The following TBC1D22B variants were observed in gnomAD, a reference collection of about 807,000 sequenced individuals.
TBC1D22B encodes TBC1 domain family member 22B.
In TBC1D22B, 32 loss-of-function variants were observed where a neutral mutation model predicts 69.1. The ratio of observed to expected loss-of-function variants is 0.46; its 90% CI spans 0.35 to 0.62. The LOEUF is 0.62. TBC1D22B is among the 20% of genes least tolerant of loss of function. TBC1D22B has a pLI of 0.00. For synonymous variants in TBC1D22B, 206 were observed against 229.8 expected (o/e 0.90, Z 0.94); for missense variants, 462 against 630.9 (o/e 0.73, Z 2.87).
chr6:37,314,352 C>T (rs1367893920), intron 10 of TBC1D22B, among the ~76,000 whole-genome samples: 4 of 152,238 alleles, frequency 2.6e-5, no homozygotes, highest in Non-Finnish European at 5.9e-5. Flanking sequence ...GTCGTCCGGC[C>T]TTGTCCTTCA....
intron 8 of TBC1D22B, among the ~76,000 whole-genome samples, chr6:37,304,880 G>T (rs929510677): frequency 6.6e-5 from 10 of 152,202 alleles, no homozygotes; most frequent in African/African-American, 2.2e-4. Context: ...TAAGTGCTAT[G>T]GATAGAAACA....
At chr6:37,258,401 G>C (rs1765917108) in intron 1 of TBC1D22B, among the ~76,000 whole-genome samples, 1 of 152,126 alleles carries the variant, frequency 6.6e-6, no homozygotes, top group African/African-American at 2.4e-5. Context: ...CCCTGAGGTC[G>C]GCACTTACCC....
chr6:37,295,632 T>G, intron 8 of TBC1D22B: 1 of 434,658 alleles, frequency 2.3e-6, no homozygotes, highest in Non-Finnish European at 4.6e-6. Flanking sequence ...CTATTATCAA[T>G]GGCACTGTCA....
intron 9 of TBC1D22B, 95 bp from the exon 10 acceptor site, chr6:37,313,721 G>A (rs1767995506): frequency 2.5e-6 from 3 of 1,206,830 alleles, no homozygotes; most frequent in Non-Finnish European, 3.7e-6. Context: ...ACTAGCTTTG[G>A]AAAATGGCCT....
intron 1 of TBC1D22B, among the ~76,000 whole-genome samples, chr6:37,261,577 G>T (rs556339891): frequency 6.6e-6 from 1 of 152,206 alleles, no homozygotes; most frequent in South Asian, 2.1e-4. Context: ...TAGGGACAGA[G>T]TATCTGCTCC....
At chr6:37,270,233 C>T (rs1025135396) in intron 2 of TBC1D22B, among the ~76,000 whole-genome samples, 1 of 152,132 alleles carries the variant, frequency 6.6e-6, no homozygotes, top group Admixed American at 6.5e-5. Context: ...AGGTGGATTA[C>T]TTGAGGTCAG....
chr6:37,267,352 C>CACACATATATAATATATATAT (rs1766317999), intron 1 of TBC1D22B, among the ~76,000 whole-genome samples: 2 of 117,232 alleles, frequency 1.7e-5, no homozygotes, highest in African/African-American at 8.5e-5. Context: ...TATATATATA[C>CACACATATATAATATATATAT]ACACATATAT....
chr6:37,275,337 A>ATT (rs1027813405), intron 2 of TBC1D22B, among the ~76,000 whole-genome samples: 4 of 148,458 alleles, frequency 2.7e-5, no homozygotes, highest in African/African-American at 9.9e-5. Flanking sequence ...ACAAGTTGAG[A>ATT]TTTTTTTTTT....
intron 10 of TBC1D22B, among the ~76,000 whole-genome samples, chr6:37,314,925 C>G (rs867835755): frequency 1.3e-5 from 2 of 152,224 alleles, no homozygotes; most frequent in African/African-American, 2.4e-5. Context: ...AGTTACTTCC[C>G]GTATGTCACA....
chr6:37,323,395 T>C (rs1768305522), intron 12 of TBC1D22B, among the ~76,000 whole-genome samples: 1 of 152,080 alleles, frequency 6.6e-6, no homozygotes, highest in Non-Finnish European at 1.5e-5. Context: ...CCAGGCATGG[T>C]GGCACACACC....
chr6:37,330,406 T>C (rs1038957159), intron 12 of TBC1D22B, among the ~76,000 whole-genome samples: 4 of 152,028 alleles, frequency 2.6e-5, no homozygotes, highest in Non-Finnish European at 5.9e-5. Flanking sequence ...GCCTGGCTAA[T>C]TGTTTGTATT....
rs559440028 is a variant in TBC1D22B, at chr6:37,280,050, G to T, written c.421+439G>T. Among the ~76,000 whole-genome samples the T allele has an allele frequency of 5.3e-5, 8 of 152,348 alleles. No individual in the cohort carries two copies. In the East Asian group the frequency reaches 1.5e-3, roughly 29 times the overall value. On this transcript the variant is annotated intron_variant, in intron 3 of 12. Coordinates refer to ENST00000373491, the MANE Select transcript of TBC1D22B (RefSeq NM_017772.4). Reference sequence around the variant, plus strand: ...CCCTAGGGAACAGCCACTAGCATAAGGTTGTCTTTTCCTGTTCCTGAGGGA... The same window carrying T: ...CCCTAGGGAACAGCCACTAGCATAATGTTGTCTTTTCCTGTTCCTGAGGGA...
chr6:37,316,907 G>C (rs748909156), intron 11 of TBC1D22B, 77 bp downstream of exon 11: 4 of 1,602,848 alleles, frequency 2.5e-6, no homozygotes, highest in Non-Finnish European at 3.4e-6. Context: ...GTGGAATGTA[G>C]CTGCTTAGAA....
At chr6:37,268,313 G>A (rs1365145860) in intron 1 of TBC1D22B, among the ~76,000 whole-genome samples, 1 of 151,902 alleles carries the variant, frequency 6.6e-6, no homozygotes, top group African/African-American at 2.4e-5. Flanking sequence ...CTGCAGCCTG[G>A]ACCCTCCTGG....
intron 2 of TBC1D22B, 32 bp downstream of exon 2, chr6:37,269,682 A>G: frequency 6.2e-7 from 1 of 1,601,780 alleles, no homozygotes; most frequent in Non-Finnish European, 8.6e-7. Flanking sequence ...TTATCTATCT[A>G]CTGCTGTCAC....
At chr6:37,298,507 T>G (rs888656809) in intron 8 of TBC1D22B, among the ~76,000 whole-genome samples, 2 of 151,936 alleles carry the variant, frequency 1.3e-5, no homozygotes, top group Non-Finnish European at 2.9e-5. Flanking sequence ...GTTTAACTTT[T>G]CTTCTCTAGA....
At chr6:37,295,271 A>AT in intron 8 of TBC1D22B, among the ~76,000 whole-genome samples, 1 of 151,422 alleles carries the variant, frequency 6.6e-6, no homozygotes, top group African/African-American at 2.4e-5. Context: ...TACCCAGCCA[A>AT]TTTTTTTATT....
In TBC1D22B at chr6:37,299,032, C is replaced by T. The variant is rs79922696; in HGVS notation, c.982+7675C>T. 6.8e-3 allele frequency among the ~76,000 whole-genome samples: 1,043 copies of T among 152,344 alleles called. 12 individuals are homozygous for T. The highest frequency in any genetic ancestry group is 0.022 in the African/African-American group (930 of 41,566). On this transcript the variant is annotated intron_variant, in intron 8 of 12. Transcript: ENST00000373491. ...CCAAAAATGTTTATACCAGTTTGTA[C>T]TCCAGCCATGAAATGTGTGGATGCA...
chr6:37,296,738 A>G (rs1767389376), intron 8 of TBC1D22B, among the ~76,000 whole-genome samples: 1 of 152,132 alleles, frequency 6.6e-6, no homozygotes, highest in Admixed American at 6.5e-5. Context: ...GTATCATTTT[A>G]TGCATAAATT....
Sources: gnomAD v4.1 joint callset for allele counts (sites outside exome capture counted in the v4.1 genomes callset) on GRCh38, gnomAD v4.1.1 for gene constraint, MANE v1.5 for transcripts, NCBI Gene and HGNC (gene_info 2026-07-23, HGNC 2026-07-21) for gene names.